The following EHMT1 variants were observed in gnomAD, a reference collection of about 807,000 sequenced individuals.
EHMT1 encodes histone-lysine N-methyltransferase EHMT1.
A neutral mutation model predicts 147.2 loss-of-function variants in EHMT1; 15 were observed. The observed-to-expected ratio is 0.10, with a 90% CI of 0.07 to 0.16. The LOEUF is 0.16. EHMT1 is among the 10% of genes least tolerant of loss of function. The pLI is 1.00. For synonymous variants in EHMT1, 795 were observed against 709.6 expected (o/e 1.12, Z -1.91); for missense variants, 1,587 against 1,772.4 (o/e 0.90, Z 1.88).
At chr9:137,700,701 C>T (rs764344657) in intron 1 of EHMT1, among the ~76,000 whole-genome samples, 1 of 152,138 alleles carries the variant, frequency 6.6e-6, no homozygotes, top group Non-Finnish European at 1.5e-5. Context: ...TGCTTAGGTA[C>T]TGTTCTAATT....
chr9:137,645,825 T>G (rs766987382), intron 1 of EHMT1, among the ~76,000 whole-genome samples: 3 of 152,132 alleles, frequency 2.0e-5, no homozygotes, highest in Non-Finnish European at 2.9e-5. Context: ...CTATGTGAAA[T>G]GCACACTAGA....
At position 137,754,249 on chromosome 9, in the gene EHMT1, A is replaced by G; in HGVS notation, c.1327A>G (p.Lys443Glu). 6.2e-7 allele frequency: 1 copy of G among 1,614,124 alleles called. No homozygotes were observed. Among genetic ancestry groups the G allele is most frequent in the Non-Finnish European group, 8.5e-7 (1 of 1,180,006 alleles). The change falls in exon 8 of 27, where the codon AAA (lysine) becomes GAA (glutamate). Residue 443 changes from lysine (K) to glutamate (E), a missense_variant. Physicochemically the swap from Lys to Glu is moderately conservative, Grantham distance 56 (BLOSUM62 1). Transcript: ENST00000460843. ...CAGTCCCTGGATCAAGCCAGCCAGG[A>G]AAAGGAGGCGGAGAAGTAGAAAGAA... ...TDSPWIKPAR[K>E]RRRRSRKKPS...
intron 1 of EHMT1, among the ~76,000 whole-genome samples, chr9:137,625,191 T>A (rs180800431): frequency 1.3e-5 from 2 of 152,270 alleles, no homozygotes; most frequent in East Asian, 3.9e-4. Context: ...AGGCCCAATT[T>A]CATTCTTAAC....
intron 15 of EHMT1, among the ~76,000 whole-genome samples, chr9:137,789,752 CAG>C (rs1172087372): frequency 1.3e-5 from 2 of 152,284 alleles, no homozygotes; most frequent in South Asian, 2.1e-4. Flanking sequence ...GTTTTTGTAA[CAG>C]AGTTCACTTT....
chr9:137,722,758 C>T (rs1260839679), intron 3 of EHMT1, among the ~76,000 whole-genome samples: 1 of 151,762 alleles, frequency 6.6e-6, no homozygotes, highest in African/African-American at 2.4e-5. Context: ...GGTGCCTGCC[C>T]TGCACCCGGA....
intron 1 of EHMT1, among the ~76,000 whole-genome samples, chr9:137,631,353 T>C (rs758165300): frequency 6.6e-6 from 1 of 151,544 alleles, no homozygotes; most frequent in Non-Finnish European, 1.5e-5. Context: ...GATCGTGCCA[T>C]TGGACTCCAG....
chr9:137,660,752 T>C (rs906455571), intron 1 of EHMT1, among the ~76,000 whole-genome samples: 4 of 152,220 alleles, frequency 2.6e-5, no homozygotes, highest in Non-Finnish European at 5.9e-5. Context: ...ATTTTTCCTG[T>C]AGAGGTCTTG....
At chr9:137,793,817 T>C (rs540915508) in intron 16 of EHMT1, among the ~76,000 whole-genome samples, 1 of 152,304 alleles carries the variant, frequency 6.6e-6, no homozygotes, top group Admixed American at 6.5e-5. Flanking sequence ...ATGTGACCGA[T>C]AGAAGCCATC....
rs1564749061 is a variant in EHMT1 at position 137,781,269 on chromosome 9, CGTGTGGTGATGACGCTGAGAT to C, written c.2276-1007_2276-987del. On this transcript the variant is annotated intron_variant, in intron 14 of 26. Coordinates refer to ENST00000460843, the MANE Select transcript of EHMT1 (RefSeq NM_024757.5). ...GGGACGTGTGGTGACGACGCTGGGA[CGTGTGGTGATGACGCTGAGAT>C]GTGTGGTGATGACGGCATCACTGAG... 1.3e-4 allele frequency among the ~76,000 whole-genome samples: 15 copies of C among 112,208 alleles called. 1 individual carries two copies. In the South Asian group the frequency reaches 2.0e-3, roughly 15 times the overall value. 73.6% of individuals were successfully genotyped at this position (112,208 alleles called of 152,430 possible).
chr9:137,761,443 A>T (rs555223777), intron 9 of EHMT1, among the ~76,000 whole-genome samples: 1 of 152,236 alleles, frequency 6.6e-6, no homozygotes, highest in African/African-American at 2.4e-5. Context: ...ATATTTTTAG[A>T]TGTGAAAACA....
chr9:137,717,624 A>AG (rs1564631729), intron 3 of EHMT1, among the ~76,000 whole-genome samples: 1 of 118,884 alleles, frequency 8.4e-6, no homozygotes. Flanking sequence ...AAAAAAAAAA[A>AG]AAGAGATGCT....
At chr9:137,795,160 C>T (rs1038465860) in intron 16 of EHMT1, 1 of 152,290 alleles carries the variant, frequency 6.6e-6, no homozygotes, top group African/African-American at 2.4e-5. Context: ...TGAAGTTCTT[C>T]TGCCATATTC....
At chr9:137,806,803 T>C (rs1953986345) in intron 18 of EHMT1, among the ~76,000 whole-genome samples, 1 of 152,270 alleles carries the variant, frequency 6.6e-6, no homozygotes, top group Non-Finnish European at 1.5e-5. Flanking sequence ...CTTAGAATTC[T>C]GGATGCGTAG....
intron 4 of EHMT1, among the ~76,000 whole-genome samples, chr9:137,736,736 C>G (rs569960221): frequency 6.6e-6 from 1 of 152,202 alleles, no homozygotes; most frequent in African/African-American, 2.4e-5. Flanking sequence ...ACTAAAAATA[C>G]AAAAATTAGC....
intron 1 of EHMT1, among the ~76,000 whole-genome samples, chr9:137,635,338 C>T (rs1192599372): frequency 6.6e-6 from 1 of 151,474 alleles, no homozygotes; most frequent in Admixed American, 6.6e-5. Context: ...TCTCGACTAG[C>T]TAGGATTACA....
chr9:137,716,237 AGGAAGTTGTGGTGG>A, intron 2 of EHMT1, among the ~76,000 whole-genome samples: 1 of 1,392 alleles, frequency 7.2e-4, no homozygotes, highest in Non-Finnish European at 1.5e-3. Flanking sequence ...ATGGTGGGGG[AGGAAGTTGTGGTGG>A]TGTCATGGTG....
chr9:137,798,264 T>C (rs1471861282), intron 16 of EHMT1, among the ~76,000 whole-genome samples: 1 of 152,120 alleles, frequency 6.6e-6, no homozygotes, highest in Non-Finnish European at 1.5e-5. Flanking sequence ...TAGCCAGTCA[T>C]GGTGGTGCAC....
intron 1 of EHMT1, among the ~76,000 whole-genome samples, chr9:137,699,131 C>G (rs967542295): frequency 6.6e-6 from 1 of 152,176 alleles, no homozygotes; most frequent in African/African-American, 2.4e-5. Flanking sequence ...CCTGAAGGCG[C>G]GCTGCCGTCT....
At chr9:137,712,521 A>C (rs1478199804) in intron 2 of EHMT1, among the ~76,000 whole-genome samples, 4 of 151,818 alleles carry the variant, frequency 2.6e-5, no homozygotes. Flanking sequence ...TTTGGTTTGC[A>C]TTTTCCTGAC....
Sources: allele counts gnomAD v4.1 joint callset (sites outside exome capture counted in the v4.1 genomes callset), GRCh38; gene constraint gnomAD v4.1.1; transcripts MANE v1.5; gene names NCBI Gene and HGNC (gene_info 2026-07-23, HGNC 2026-07-21).